The following DIAPH3 variants were observed in gnomAD, a reference collection of about 807,000 sequenced individuals.
The protein encoded by DIAPH3 is diaphanous related formin 3.
DIAPH3 carries 117 observed loss-of-function variants against 144.3 expected under a neutral mutation model. The ratio of observed to expected loss-of-function variants is 0.81; its 90% confidence interval spans 0.70 to 0.95. The LOEUF (loss-of-function observed/expected upper bound fraction) is 0.95, where lower values mean the gene tolerates loss of function less well. Among genes scored for constraint, DIAPH3 ranks in the 40% least tolerant of loss-of-function variants. DIAPH3 has a pLI of 0.00. For synonymous variants in DIAPH3, 519 were observed against 488.9 expected, an observed-to-expected ratio of 1.06 and a Z score of -0.81; for missense variants, 1,421 against 1,412.7, an observed-to-expected ratio of 1.01 and a Z score of -0.09.
intron 20 of DIAPH3, among the ~76,000 whole-genome samples, chr13:59,911,349 A>G (rs754576992): frequency 1.4e-4 from 22 of 152,232 alleles, no homozygotes; most frequent in Non-Finnish European, 7.4e-5. Flanking sequence ...AAACTACGAG[A>G]TGAATTCAAG....
chr13:59,840,817 G>GC (rs2139777388), intron 22 of DIAPH3, among the ~76,000 whole-genome samples: 1 of 149,148 alleles, frequency 6.7e-6, no homozygotes, highest in East Asian at 2.0e-4. Context: ...TTCTCAGTAG[G>GC]TTTTTTTTTT....
intron 27 of DIAPH3, among the ~76,000 whole-genome samples, chr13:59,704,277 C>T (rs145462264): frequency 8.5e-4 from 129 of 152,330 alleles, no homozygotes; most frequent in Non-Finnish European, 1.4e-3. Flanking sequence ...AGCCCTCTGC[C>T]TGGGGCCAAA....
intron 25 of DIAPH3, among the ~76,000 whole-genome samples, chr13:59,775,561 T>C (rs1368180536): frequency 6.6e-6 from 1 of 152,156 alleles, no homozygotes; most frequent in Non-Finnish European, 1.5e-5. Context: ...GTTTTTGTTG[T>C]TACTGAGATT....
intron 17 of DIAPH3, among the ~76,000 whole-genome samples, chr13:59,963,220 A>G (rs978383569): frequency 2.0e-5 from 3 of 152,218 alleles, no homozygotes; most frequent in Admixed American, 2.0e-4. Context: ...TATTAAATGC[A>G]CAGAATACAT....
intron 25 of DIAPH3, among the ~76,000 whole-genome samples, chr13:59,798,863 G>T (rs1366855596): frequency 6.6e-6 from 1 of 152,150 alleles, no homozygotes; most frequent in Admixed American, 6.5e-5. Flanking sequence ...AAGTTACAGA[G>T]AGTTGAGTCC....
intron 27 of DIAPH3, among the ~76,000 whole-genome samples, chr13:59,744,063 G>A (rs374686862): frequency 3.3e-5 from 5 of 151,870 alleles, no homozygotes; most frequent in African/African-American, 1.2e-4. Context: ...CAACTATACG[G>A]GTCCTGGTCA....
intron 21 of DIAPH3, 113 bp from the exon 22 acceptor site, chr13:59,861,649 T>C: frequency 1.7e-6 from 2 of 1,196,142 alleles, no homozygotes; most frequent in Non-Finnish European, 2.4e-6. Flanking sequence ...GTTGTAAAAT[T>C]AGTTGATTTC....
At position 59,974,769 on chromosome 13, in the gene DIAPH3, T is replaced by C. The variant is rs182966275; in HGVS notation, c.1546-313A>G. ...TTTTCTTCAAAGTCTCTAAATATTA[T>C]TGTGACTTTGTGTAAAATAATAGAG... On this transcript the variant is annotated intron_variant, in intron 14 of 27. Transcript: ENST00000400324. Among the ~76,000 whole-genome samples, 499 of 152,226 alleles carry C rather than the reference T, an allele frequency of 3.3e-3. 2 individuals carry two copies. The highest frequency in any genetic ancestry group is 0.011 in the African/African-American group (459 of 41,562).
At chr13:60,054,012 C>G (rs1489430685) in intron 4 of DIAPH3, among the ~76,000 whole-genome samples, 2 of 152,008 alleles carry the variant, frequency 1.3e-5, no homozygotes, top group Non-Finnish European at 2.9e-5. Context: ...CCTGTGATAT[C>G]AAAGGAGTCA....
At chr13:60,012,592 G>A (rs1267686856) in intron 7 of DIAPH3, among the ~76,000 whole-genome samples, 3 of 152,178 alleles carry the variant, frequency 2.0e-5, no homozygotes, top group Non-Finnish European at 4.4e-5. Context: ...ATAAATCTGG[G>A]AATTGAGTAA....
Position 60,030,391 on chromosome 13 carries a change from A to G in DIAPH3, c.626+12299T>C, listed in dbSNP as rs569202879. Among the ~76,000 whole-genome samples the G allele has an allele frequency of 2.6e-5, 4 of 152,310 alleles. No homozygotes were observed. In the East Asian group the frequency reaches 7.7e-4, roughly 29 times the overall value. On this transcript the variant is annotated intron_variant, in intron 5 of 27. Transcript: ENST00000400324. ...TCTCTAAAAGGAATCGCAACAATTTAAGAAAAGAAATCCTTGCACCTCATC... is the reference window on the plus strand; with the variant it reads ...TCTCTAAAAGGAATCGCAACAATTTGAGAAAAGAAATCCTTGCACCTCATC...
chr13:59,721,977 C>T (rs936089032), intron 27 of DIAPH3, among the ~76,000 whole-genome samples: 1 of 152,150 alleles, frequency 6.6e-6, no homozygotes, highest in African/African-American at 2.4e-5. Flanking sequence ...CTGGGCTTTA[C>T]CTGCCAGCAA....
intron 21 of DIAPH3, among the ~76,000 whole-genome samples, chr13:59,871,464 T>C (rs1788042176): frequency 6.6e-6 from 1 of 152,120 alleles, no homozygotes; most frequent in Non-Finnish European, 1.5e-5. Flanking sequence ...TTGAGGAAGT[T>C]CCCCTCTACC....
intron 27 of DIAPH3, among the ~76,000 whole-genome samples, chr13:59,711,549 C>G (rs1780325915): frequency 6.6e-6 from 1 of 152,192 alleles, no homozygotes; most frequent in South Asian, 2.1e-4. Context: ...CCACCACCAT[C>G]ACCACCACTA....
At chr13:59,979,064 A>G (rs2050836007) in intron 14 of DIAPH3, among the ~76,000 whole-genome samples, 1 of 151,822 alleles carries the variant, frequency 6.6e-6, no homozygotes, top group Non-Finnish European at 1.5e-5. Flanking sequence ...TTGCTGATAT[A>G]TACAAAATGA....
chr13:60,042,555 T>C, intron 5 of DIAPH3, 135 bp downstream of exon 5: 3 of 1,054,634 alleles, frequency 2.8e-6, no homozygotes, highest in Non-Finnish European at 4.2e-6. Context: ...TATTTCTTCC[T>C]GCATATAAAT....
Position 60,010,526 on chromosome 13 carries a change from C to G in DIAPH3, c.908+7G>C, listed in dbSNP as rs2053171743. On this transcript the variant is annotated splice_region_variant and intron_variant, in intron 8 of 27. Transcript: ENST00000400324. ...TATAATTAGGGGAATATGTTGATAACACTTACATGCTTTCTTCCCCTACAA... is the reference window on the plus strand; with the variant it reads ...TATAATTAGGGGAATATGTTGATAAGACTTACATGCTTTCTTCCCCTACAA... The G allele has an allele frequency of 6.4e-7, 1 of 1,573,406 alleles. No individual in the cohort carries two copies. The highest frequency in any genetic ancestry group is 2.3e-5 in the East Asian group (1 of 43,012).
intron 2 of DIAPH3, among the ~76,000 whole-genome samples, chr13:60,123,345 A>G (rs1236216951): frequency 6.6e-6 from 1 of 152,176 alleles, no homozygotes; most frequent in Non-Finnish European, 1.5e-5. Context: ...AGTACTAGGC[A>G]CTCAACAAAT....
intron 1 of DIAPH3, among the ~76,000 whole-genome samples, chr13:60,159,267 A>ATT (rs1254099582): frequency 5.3e-5 from 8 of 152,176 alleles, no homozygotes; most frequent in African/African-American, 1.9e-4. Flanking sequence ...CCTGGATGAG[A>ATT]AAAGAAGCAG....
Sources: allele counts gnomAD v4.1 joint callset (sites outside exome capture counted in the v4.1 genomes callset), GRCh38; gene constraint gnomAD v4.1.1; transcripts MANE v1.5; gene names NCBI Gene and HGNC (gene_info 2026-07-23, HGNC 2026-07-21).